NHSL1: variants seen among roughly 807,000 people sequenced by gnomAD.
NHSL1 encodes the protein NHS like 1.
A neutral mutation model predicts 95.0 loss-of-function variants in NHSL1; 48 were observed. The observed-to-expected ratio is 0.51, with a 90% confidence interval of 0.40 to 0.64. The LOEUF is 0.64. Among genes scored for constraint, NHSL1 ranks in the 30% least tolerant of loss-of-function variants. NHSL1 has a pLI of 0.00. For missense variants in NHSL1, 1,971 were observed against 2,077.7 expected (o/e 0.95, Z 1.00); for synonymous variants, 783 against 833.9 (o/e 0.94, Z 1.05).
At chr6:138,642,836 G>C (rs758648192) in intron 1 of NHSL1, among the ~76,000 whole-genome samples, 18 of 151,940 alleles carry the variant, frequency 1.2e-4, no homozygotes, top group Non-Finnish European at 2.4e-4. Context: ...TGGGTCGCTG[G>C]GGGGAGAAAA....
intron 1 of NHSL1, among the ~76,000 whole-genome samples, chr6:138,617,914 C>T (rs1430318160): frequency 1.3e-5 from 2 of 152,172 alleles, no homozygotes; most frequent in African/African-American, 2.4e-5. Context: ...CATCTGCAGC[C>T]GTCACTGATG....
At chr6:138,443,913 C>T (rs1432287765) in intron 4 of NHSL1, among the ~76,000 whole-genome samples, 1 of 152,178 alleles carries the variant, frequency 6.6e-6, no homozygotes, top group African/African-American at 2.4e-5. Context: ...CCCAAGCTCC[C>T]AGAAAATTAA....
chr6:138,457,230 C>A (rs1031469717), intron 3 of NHSL1, among the ~76,000 whole-genome samples: 10 of 152,158 alleles, frequency 6.6e-5, no homozygotes, highest in African/African-American at 2.4e-4. Context: ...TTTTTCAATG[C>A]ATCATGTTTA....
chr6:138,499,552 G>T, upstream of NHSL1: 4 of 580,574 alleles, frequency 6.9e-6, no homozygotes, highest in South Asian at 4.2e-5. Flanking sequence ...GACATCGTGC[G>T]CTGAAAGAAA....
chr6:138,563,918 G>A (rs1350692158), intron 1 of NHSL1, among the ~76,000 whole-genome samples: 3 of 152,224 alleles, frequency 2.0e-5, no homozygotes, highest in Non-Finnish European at 4.4e-5. Context: ...GAGGGGAGCG[G>A]TGTGTACAAA....
chr6:138,563,720 A>G (rs1432187803), intron 1 of NHSL1, among the ~76,000 whole-genome samples: 1 of 152,202 alleles, frequency 6.6e-6, no homozygotes, highest in African/African-American at 2.4e-5. Flanking sequence ...AGGAAGCACA[A>G]GGAGGCAATG....
chr6:138,574,959 G>A (rs910211814), upstream of NHSL1, among the ~76,000 whole-genome samples: 3 of 152,146 alleles, frequency 2.0e-5, no homozygotes, highest in Non-Finnish European at 4.4e-5. Flanking sequence ...GAGTGCAATG[G>A]CGCAATCTCA....
In NHSL1 at chr6:138,520,541, C is replaced by T. The variant is rs553264273; in HGVS notation, c.17-24170G>A. Among the ~76,000 whole-genome samples, 147 of 152,176 alleles carry T rather than the reference C, an allele frequency of 9.7e-4. 1 individual carries two copies. Among genetic ancestry groups the T allele is most frequent in the Non-Finnish European group, 1.7e-3 (113 of 68,002 alleles). ...CTGACCTCAGGCAATCTGCCCTCCT[C>T]GGCCTCCCAAAGTGCTGAGATTACA... On this transcript the variant is annotated intron_variant, in intron 1 of 4. Transcript: ENST00000342260.
chr6:138,639,797 C>CAAAA lies in NHSL1; in HGVS notation c.96+52675_96+52678dup, dbSNP rs56909767. ...CAGGGGACAGAGTGAGACTCAGTCT[C>CAAAA]AAAAAAAAAAAAAAAAAAAAAAAAA... On this transcript the variant is annotated intron_variant, in intron 1 of 3. Transcript: ENST00000491526. Among the ~76,000 whole-genome samples the CAAAA allele has an allele frequency of 1.2e-3, 28 of 22,586 alleles. 2 individuals are homozygous for CAAAA. Among genetic ancestry groups the CAAAA allele is most frequent in the African/African-American group, 2.5e-3 (22 of 8,664 alleles). The allele number at this position is 22,586 out of a possible 152,430, so 14.8% of individuals were successfully genotyped here.
chr6:138,457,774 C>T (rs770690638), intron 3 of NHSL1, among the ~76,000 whole-genome samples: 2 of 152,116 alleles, frequency 1.3e-5, no homozygotes, highest in Non-Finnish European at 2.9e-5. Flanking sequence ...CTTTGGGAGG[C>T]CGAGGTGGGC....
intron 2 of NHSL1, among the ~76,000 whole-genome samples, chr6:138,487,010 G>A (rs905988317): frequency 1.3e-5 from 2 of 152,212 alleles, no homozygotes; most frequent in Non-Finnish European, 2.9e-5. Context: ...GGTGTGAGAG[G>A]TTGTGGTTCA....
intron 1 of NHSL1, among the ~76,000 whole-genome samples, chr6:138,659,905 G>C (rs531708623): frequency 6.6e-6 from 1 of 152,054 alleles, no homozygotes; most frequent in South Asian, 2.1e-4. Context: ...TGGTAGAGAT[G>C]GGGTTTCACC....
At chr6:138,500,986 G>A (rs1327260422), upstream of NHSL1, among the ~76,000 whole-genome samples, 1 of 152,130 alleles carries the variant, frequency 6.6e-6, no homozygotes, top group Non-Finnish European at 1.5e-5. Flanking sequence ...TAAATTAGCG[G>A]GCAAAGTTCC....
intron 1 of NHSL1, among the ~76,000 whole-genome samples, chr6:138,630,648 A>G (rs778916714): frequency 2.6e-5 from 4 of 152,148 alleles, no homozygotes; most frequent in Non-Finnish European, 5.9e-5. Context: ...GCCTCCCAAA[A>G]TGCTGGGATT....
At chr6:138,608,552 A>G (rs1583446793) in intron 1 of NHSL1, among the ~76,000 whole-genome samples, 1 of 152,332 alleles carries the variant, frequency 6.6e-6, no homozygotes, top group East Asian at 1.9e-4. Flanking sequence ...GATCTGTAGC[A>G]CAAAAATCCT....
At chr6:138,589,215 T>A (rs971474404) in intron 1 of NHSL1, among the ~76,000 whole-genome samples, 3 of 152,164 alleles carry the variant, frequency 2.0e-5, no homozygotes, top group African/African-American at 7.2e-5. Flanking sequence ...CAGAAGTGTA[T>A]CCTGTGCGTT....
chr6:138,688,304 C>CTATTTTT (rs1248500099), intron 1 of NHSL1, among the ~76,000 whole-genome samples: 3,280 of 151,666 alleles, frequency 0.022, 120 homozygotes, highest in African/African-American at 0.075. Context: ...TTTATTTCAA[C>CTATTTTT]AAAACTATTT....
At chr6:138,692,908 C>CCGGGCGGGCAGGAAGGACGGACGGA (rs1358109776), upstream of NHSL1, among the ~76,000 whole-genome samples, 3 of 150,504 alleles carry the variant, frequency 2.0e-5, no homozygotes, top group African/African-American at 7.3e-5. This position sits in a 1 kb window ranked among gnomAD's most constrained non-coding sequence, Gnocchi z 4.0. Context: ...AGGGGAGAGG[C>CCGGGCGGGCAGGAAGGACGGACGGA]CGGGCGGGCA....
exon 1 of NHSL1, chr6:138,572,113 G>C (rs533944428): frequency 1.8e-6 from 1 of 547,854 alleles, no homozygotes; most frequent in East Asian, 3.0e-5. Context: ...AGAAAGAAAA[G>C]AAAAATGTTT....
Sources: gnomAD v4.1 joint callset for allele counts (sites outside exome capture counted in the v4.1 genomes callset) on GRCh38, gnomAD v4.1.1 for gene constraint, Gnocchi (gnomAD v3.1) non-coding constraint, MANE v1.5 for transcripts, NCBI Gene and HGNC (gene_info 2026-07-23, HGNC 2026-07-21) for gene names.